CDH13: variants seen among roughly 807,000 people sequenced by gnomAD.
The protein encoded by CDH13 is cadherin-13.
A neutral mutation model predicts 63.8 loss-of-function variants in CDH13; 24 were observed. The observed-to-expected ratio is 0.38, with a 90% confidence interval of 0.27 to 0.53. CDH13 has a LOEUF of 0.53. Among genes scored for constraint, CDH13 ranks in the 20% least tolerant of loss-of-function variants. The pLI is 0.85. For synonymous variants in CDH13, 503 were observed against 355.3 expected (o/e 1.42, Z -4.67); for missense variants, 1,049 against 903.1 (o/e 1.16, Z -2.07).
intron 8 of CDH13, among the ~76,000 whole-genome samples, chr16:83,634,694 C>G (rs1347413425): frequency 6.6e-6 from 1 of 152,118 alleles, no homozygotes; most frequent in Non-Finnish European, 1.5e-5. Context: ...AGCTACCACA[C>G]CTGGCTGAGA....
chr16:83,209,093 T>A (rs2039262597), intron 4 of CDH13, among the ~76,000 whole-genome samples: 1 of 152,124 alleles, frequency 6.6e-6, no homozygotes, highest in African/African-American at 2.4e-5. Flanking sequence ...GAGCCAGCGA[T>A]GAGACGAGGG....
chr16:83,223,941 C>A (rs1015475596), intron 5 of CDH13, among the ~76,000 whole-genome samples: 1 of 152,134 alleles, frequency 6.6e-6, no homozygotes, highest in African/African-American at 2.4e-5. Context: ...ATCACACGAG[C>A]AGTATACACT....
intron 5 of CDH13, among the ~76,000 whole-genome samples, chr16:83,283,785 G>A (rs961174422): frequency 5.3e-5 from 8 of 152,064 alleles, no homozygotes; most frequent in African/African-American, 1.9e-4. Context: ...AACCCCTGCA[G>A]CATTTACATC....
intron 2 of CDH13, among the ~76,000 whole-genome samples, chr16:82,904,322 C>G (rs904468472): frequency 6.6e-6 from 1 of 152,138 alleles, no homozygotes; most frequent in Non-Finnish European, 1.5e-5. Flanking sequence ...CTTTGGCATC[C>G]AAATCCATTG....
chr16:82,908,649 A>C (rs895968947), intron 2 of CDH13, among the ~76,000 whole-genome samples: 1 of 152,256 alleles, frequency 6.6e-6, no homozygotes, highest in African/African-American at 2.4e-5. Flanking sequence ...TAGTTTAATG[A>C]ATCACTTTCC....
chr16:82,755,451 T>A (rs2034577739), intron 1 of CDH13, among the ~76,000 whole-genome samples: 1 of 152,208 alleles, frequency 6.6e-6, no homozygotes. Context: ...TCTGAGGAGG[T>A]AATCTTGTTC....
intron 5 of CDH13, among the ~76,000 whole-genome samples, chr16:83,247,977 G>A (rs1905131085): frequency 6.6e-6 from 1 of 152,208 alleles, no homozygotes; most frequent in Non-Finnish European, 1.5e-5. Context: ...TGAAGTCCAG[G>A]AAGCCCCAGG....
At chr16:83,480,882 C>T (rs745543527) in intron 6 of CDH13, among the ~76,000 whole-genome samples, 8 of 152,340 alleles carry the variant, frequency 5.3e-5, no homozygotes, top group Middle Eastern at 3.4e-3. Context: ...ACATCTGTCT[C>T]ACCTGGCTAA....
chr16:82,890,033 A>G (rs1597149361), intron 2 of CDH13, among the ~76,000 whole-genome samples: 1 of 152,348 alleles, frequency 6.6e-6, no homozygotes, highest in South Asian at 2.1e-4. Context: ...TTTCAGTGCT[A>G]TATCTAATAA....
intron 1 of CDH13, among the ~76,000 whole-genome samples, chr16:82,711,125 T>C (rs976678013): frequency 6.6e-6 from 1 of 152,064 alleles, no homozygotes; most frequent in Non-Finnish European, 1.5e-5. Context: ...TCTCAGGGCT[T>C]CTAAATAGGA....
At chr16:83,444,212 T>C (rs922210690) in intron 6 of CDH13, among the ~76,000 whole-genome samples, 4 of 152,206 alleles carry the variant, frequency 2.6e-5, no homozygotes, top group South Asian at 4.1e-4. Context: ...ATGATGATAA[T>C]GATGACCATA....
chr16:83,108,911 T>C (rs1468434284), intron 3 of CDH13, among the ~76,000 whole-genome samples: 2 of 152,158 alleles, frequency 1.3e-5, no homozygotes. Context: ...CCTCCTGGAA[T>C]TCTCCAGTGG....
chr16:83,654,613 C>A (rs1201948067), intron 8 of CDH13, among the ~76,000 whole-genome samples: 1 of 151,994 alleles, frequency 6.6e-6, no homozygotes, highest in African/African-American at 2.4e-5. Context: ...CATCAGAGAG[C>A]AATAAAAGAA....
chr16:83,060,693 CTG>C (rs1268481848), intron 3 of CDH13, among the ~76,000 whole-genome samples: 1 of 152,236 alleles, frequency 6.6e-6, no homozygotes, highest in Admixed American at 6.5e-5. Context: ...CCTCACCTCA[CTG>C]TGCAAATACA....
chr16:83,480,583 A>G (rs1479463301), intron 6 of CDH13, among the ~76,000 whole-genome samples: 1 of 152,164 alleles, frequency 6.6e-6, no homozygotes, highest in Admixed American at 6.5e-5. Context: ...CCCAGGCACT[A>G]CAGTCACATT....
Position 83,014,023 on chromosome 16 carries a change from T to C in CDH13, c.158-17987T>C, listed in dbSNP as rs564603982. Among the ~76,000 whole-genome samples the C allele has an allele frequency of 1.9e-3, 289 of 152,092 alleles. 1 individual carries two copies. Among genetic ancestry groups the C allele is most frequent in the Middle Eastern group, 0.017 (5 of 294 alleles). On this transcript the variant is annotated intron_variant, in intron 2 of 13. Transcript: ENST00000567109. The stretch of plus-strand genomic sequence containing the variant: ...CCTTTGCTAAACACTCGAGGTAAAA[T>C]GGCAAACAAGACACTTTCTTCCCTC...
chr16:83,530,156 T>G (rs976078535), intron 7 of CDH13, among the ~76,000 whole-genome samples: 1 of 152,180 alleles, frequency 6.6e-6, no homozygotes, highest in Non-Finnish European at 1.5e-5. Flanking sequence ...AATGAGCATT[T>G]TGGGGGTGTT....
chr16:83,295,130 G>T (rs959735552), intron 5 of CDH13, among the ~76,000 whole-genome samples: 1 of 151,932 alleles, frequency 6.6e-6, no homozygotes, highest in African/African-American at 2.4e-5. Context: ...CACAATGGGG[G>T]AAAAAAACTC....
chr16:83,478,384 C>T (rs1251643865), intron 6 of CDH13, among the ~76,000 whole-genome samples: 1 of 152,078 alleles, frequency 6.6e-6, no homozygotes, highest in Non-Finnish European at 1.5e-5. Flanking sequence ...TGGCCCAGCT[C>T]CCAGTCTGAC....
Sources: allele counts gnomAD v4.1 joint callset (sites outside exome capture counted in the v4.1 genomes callset), GRCh38; gene constraint gnomAD v4.1.1; transcripts MANE v1.5; gene names NCBI Gene and HGNC (gene_info 2026-07-23, HGNC 2026-07-21).